The following PPP1R42 variants were observed in gnomAD, a reference collection of about 807,000 sequenced individuals.
The protein encoded by PPP1R42 is leucine rich repeat containing 67.
Under a neutral mutation model 31.0 loss-of-function variants are expected in PPP1R42, and 34 were observed. The observed-to-expected ratio is 1.10, with a 90% CI of 0.83 to 1.46. The LOEUF (loss-of-function observed/expected upper bound fraction) is 1.46. PPP1R42 is among the 40% of genes most tolerant of loss of function. PPP1R42 has a pLI of 0.00. For synonymous variants in PPP1R42, 103 were observed against 109.8 expected, an observed-to-expected ratio of 0.94 and a Z score of 0.39; for missense variants, 268 against 303.0, an observed-to-expected ratio of 0.88 and a Z score of 0.86.
At chr8:67,015,503 A>C (rs554356988) in intron 2 of PPP1R42, among the ~76,000 whole-genome samples, 1 of 152,278 alleles carries the variant, frequency 6.6e-6, no homozygotes, top group Admixed American at 6.5e-5. Flanking sequence ...TAAAAGACTG[A>C]AAGGATATTA....
intron 1 of PPP1R42, among the ~76,000 whole-genome samples, chr8:67,019,884 C>G (rs1455689505): frequency 6.6e-6 from 1 of 151,096 alleles, no homozygotes; most frequent in Non-Finnish European, 1.5e-5. Flanking sequence ...CGAGACTCCA[C>G]CTCAACAAAA....
chr8:66,983,147 C>T (rs550949513), intron 6 of PPP1R42, among the ~76,000 whole-genome samples: 1 of 152,018 alleles, frequency 6.6e-6, no homozygotes, highest in East Asian at 1.9e-4. Flanking sequence ...AAAAATTATT[C>T]CCCAATGAGA....
At chr8:66,993,989 A>G (rs913383132) in intron 5 of PPP1R42, among the ~76,000 whole-genome samples, 1 of 152,194 alleles carries the variant, frequency 6.6e-6, no homozygotes, top group African/African-American at 2.4e-5. Context: ...GAGAAAAGAA[A>G]GACTATCTTC....
intron 7 of PPP1R42, 89 bp from the exon 8 acceptor site, chr8:66,964,423 A>G: frequency 1.8e-6 from 1 of 544,886 alleles, no homozygotes; most frequent in South Asian, 2.1e-5. Flanking sequence ...TCTAGGACAC[A>G]ATAACAATAT....
chr8:67,023,375 G>A (rs183518511), intron 1 of PPP1R42, among the ~76,000 whole-genome samples: 155 of 152,268 alleles, frequency 1.0e-3, no homozygotes, highest in Admixed American at 8.2e-3. Flanking sequence ...CTCCCAAACC[G>A]TTGGGATTGC....
At chr8:67,015,694 G>T (rs1268287348) in intron 2 of PPP1R42, among the ~76,000 whole-genome samples, 1 of 151,744 alleles carries the variant, frequency 6.6e-6, no homozygotes, top group Non-Finnish European at 1.5e-5. Context: ...GAGTAGCTGG[G>T]ATTATAGGCA....
intron 6 of PPP1R42, chr8:66,984,120 G>A (rs1814930005): frequency 3.2e-6 from 5 of 1,584,394 alleles, no homozygotes; most frequent in East Asian, 2.3e-5. Flanking sequence ...AGAGGCAAGG[G>A]CTTGCAGTAG....
intron 6 of PPP1R42, among the ~76,000 whole-genome samples, chr8:66,982,901 C>T (rs1016963527): frequency 2.6e-5 from 4 of 151,986 alleles, no homozygotes; most frequent in Non-Finnish European, 4.4e-5. Flanking sequence ...CTTAACCTCC[C>T]GAGTAGCTAG....
chr8:66,976,345 AAATGT>A (rs1814673382), intron 7 of PPP1R42, among the ~76,000 whole-genome samples: 2 of 152,220 alleles, frequency 1.3e-5, no homozygotes, highest in Admixed American at 1.3e-4. Flanking sequence ...AGTGCACAAT[AAATGT>A]AATGTACTTG....
intron 1 of PPP1R42, among the ~76,000 whole-genome samples, chr8:67,024,469 C>T (rs773633728): frequency 4.7e-5 from 7 of 149,470 alleles, no homozygotes; most frequent in Non-Finnish European, 8.9e-5. Context: ...CTCATGCCAC[C>T]ATGCCAGCTA....
At chr8:66,968,728 A>AAT (rs1158911197) in intron 7 of PPP1R42, among the ~76,000 whole-genome samples, 2 of 152,160 alleles carry the variant, frequency 1.3e-5, no homozygotes, top group South Asian at 2.1e-4. Context: ...GAAACTCTGT[A>AAT]ATATATTTGA....
At chr8:66,995,549 A>T (rs1419288725) in intron 5 of PPP1R42, among the ~76,000 whole-genome samples, 1 of 152,234 alleles carries the variant, frequency 6.6e-6, no homozygotes, top group Admixed American at 6.5e-5. Context: ...ATAAACATAC[A>T]GTAGGTGCCT....
chr8:66,985,685 G>A, intron 6 of PPP1R42: 2 of 1,315,164 alleles, frequency 1.5e-6, no homozygotes, highest in Non-Finnish European at 2.2e-6. Context: ...TGGCCAATTG[G>A]AAGTTGCTCT....
At chr8:67,016,722 G>A (rs961206863) in intron 2 of PPP1R42, among the ~76,000 whole-genome samples, 4 of 152,138 alleles carry the variant, frequency 2.6e-5, no homozygotes, top group African/African-American at 9.7e-5. Flanking sequence ...TTGTTGCCCA[G>A]GCTGTATTAC....
In PPP1R42 at chr8:67,017,836, A is replaced by T. The variant is rs1816063262; in HGVS notation, c.-84-5T>A. 7.3e-7 allele frequency: 1 copy of T among 1,362,572 alleles called. No individual in the cohort carries two copies. Among genetic ancestry groups the T allele is most frequent in the Non-Finnish European group, 9.6e-7 (1 of 1,045,570 alleles). The allele number at this position is 1,362,572 out of a possible 1,614,324, so 84.4% of individuals were successfully genotyped here. On this transcript the variant is annotated splice_polypyrimidine_tract_variant and splice_region_variant and intron_variant, in intron 1 of 7. Transcript: ENST00000685739. ...TTAGGTATTATTTCCAACTTTCTGA[A>T]GATTAAAGAAAAAAGGAGCATTATG... is the stretch of plus-strand genomic sequence containing the variant.
At chr8:66,976,537 G>T (rs1563414349) in intron 7 of PPP1R42, among the ~76,000 whole-genome samples, 1 of 150,504 alleles carries the variant, frequency 6.6e-6, no homozygotes, top group Non-Finnish European at 1.5e-5. Flanking sequence ...CTCTTCCCTT[G>T]CCTTATTCCC....
intron 7 of PPP1R42, among the ~76,000 whole-genome samples, chr8:66,979,449 T>A (rs898036075): frequency 1.3e-5 from 2 of 152,132 alleles, no homozygotes; most frequent in African/African-American, 4.8e-5. Flanking sequence ...GGTAGGAGGA[T>A]CATTTGAGCC....
intron 5 of PPP1R42, among the ~76,000 whole-genome samples, chr8:67,010,424 TAGA>T (rs1361703845): frequency 6.6e-6 from 1 of 152,202 alleles, no homozygotes; most frequent in Non-Finnish European, 1.5e-5. Context: ...ATCTAGTCTC[TAGA>T]AGAAAAAGTT....
intron 5 of PPP1R42, among the ~76,000 whole-genome samples, chr8:67,005,460 G>A (rs1815643674): frequency 6.6e-6 from 1 of 152,038 alleles, no homozygotes; most frequent in Non-Finnish European, 1.5e-5. Flanking sequence ...TCATGTAAAT[G>A]CTGTTGACTC....
Sources: allele counts gnomAD v4.1 joint callset (sites outside exome capture counted in the v4.1 genomes callset), GRCh38; gene constraint gnomAD v4.1.1; transcripts MANE v1.5; gene names NCBI Gene and HGNC (gene_info 2026-07-23, HGNC 2026-07-21).